PTPRG: variants seen among roughly 807,000 people sequenced by gnomAD.
PTPRG encodes protein tyrosine phosphatase receptor type G, also known as receptor-type tyrosine-protein phosphatase gamma.
In PTPRG, 102 loss-of-function variants were observed where a neutral mutation model predicts 165.3. The observed-to-expected ratio is 0.62, with a 90% CI of 0.53 to 0.73. PTPRG has a LOEUF of 0.73. PTPRG is among the 30% of genes least tolerant of loss of function. The probability of loss-of-function intolerance (pLI) is 0.00; values close to 1 mark genes in which losing one functional copy is unlikely to be tolerated. For missense variants in PTPRG, 1,866 were observed against 1,861.4 expected, an observed-to-expected ratio of 1.00 and a Z score of -0.05; for synonymous variants, 675 against 669.5, an observed-to-expected ratio of 1.01 and a Z score of -0.13.
In PTPRG at chr3:62,203,559, T is replaced by C. The variant is rs1201477016; in HGVS notation, c.1764T>C (p.Ser588=). 6.5e-7 allele frequency: 1 copy of C among 1,548,876 alleles called. No individual in the cohort carries two copies. The highest frequency in any genetic ancestry group is 1.2e-5 in the South Asian group (1 of 83,978). ...EEGEKDEKSE[S]EDGEREHEED... ...GAGAGAAGGATGAGAAAAGCGAGAG[T>C]GAGGATGGGGAGCGGGAGCACGAGG... The change falls in exon 12 of 30, where the codon AGT becomes AGC. Residue 588 remains serine, a synonymous_variant. Coordinates refer to ENST00000474889, the MANE Select transcript of PTPRG (RefSeq NM_002841.4). This position sits in a 1 kb window ranked among gnomAD's most constrained non-coding sequence, Gnocchi z 6.4.
intron 2 of PTPRG, among the ~76,000 whole-genome samples, chr3:61,836,893 C>G (rs543815332): frequency 6.6e-6 from 1 of 150,608 alleles, no homozygotes; most frequent in Non-Finnish European, 1.5e-5. Context: ...TACAGGCACA[C>G]GCCACCAGGC....
Position 62,231,257 on chromosome 3 carries a change from C to G in PTPRG, c.2321C>G (p.Pro774Arg). 1.3e-6 allele frequency: 2 copies of G among 1,591,342 alleles called. No homozygotes were observed. Among genetic ancestry groups the G allele is most frequent in the Non-Finnish European group, 1.7e-6 (2 of 1,168,364 alleles). ...AACAAAATAAAGTCCAAGGGCTTTC[C>G]CAGACGTTTCCGTGAAGTGCCTTCT... ...GCNKIKSKGF[P>R]RRFREVPSSG... The change falls in exon 14 of 30, where the codon CCC (proline) becomes CGC (arginine). Residue 774 changes from proline to arginine, a missense_variant. Pro to Arg is a moderately radical substitution (Grantham distance 103). Transcript: ENST00000474889.
intron 7 of PTPRG, among the ~76,000 whole-genome samples, chr3:62,160,885 T>TTTTTTTTTTTTTTTTTTTG (rs1452272876): frequency 6.9e-6 from 1 of 144,608 alleles, no homozygotes; most frequent in African/African-American, 2.6e-5. Context: ...TTTTTTTTTT[T>TTTTTTTTTTTTTTTTTTTG]TTTCTGACAG....
At chr3:61,695,061 A>G (rs912668006) in intron 1 of PTPRG, among the ~76,000 whole-genome samples, 2 of 149,588 alleles carry the variant, frequency 1.3e-5, no homozygotes. Context: ...TCCAGGCTGG[A>G]GTGCAATGGC....
intron 5 of PTPRG, among the ~76,000 whole-genome samples, chr3:62,089,637 T>C (rs1701864862): frequency 6.6e-6 from 1 of 152,186 alleles, no homozygotes; most frequent in Non-Finnish European, 1.5e-5. Context: ...TAGCATCAAA[T>C]CCCCGTTTGG....
chr3:61,982,095 G>C (rs867261386), intron 2 of PTPRG, among the ~76,000 whole-genome samples: 1 of 152,036 alleles, frequency 6.6e-6, no homozygotes, highest in Non-Finnish European at 1.5e-5. Flanking sequence ...ATTATGTCTC[G>C]ATGGAAAGTC....
At chr3:61,937,356 G>A (rs544409704) in intron 2 of PTPRG, among the ~76,000 whole-genome samples, 2 of 152,232 alleles carry the variant, frequency 1.3e-5, no homozygotes, top group South Asian at 2.1e-4. Flanking sequence ...TTTGAATCCC[G>A]TGGTAGCTTG....
intron 1 of PTPRG, among the ~76,000 whole-genome samples, chr3:61,604,507 T>C (rs4390919): frequency 0.43 from 64,726 of 152,028 alleles, 14,702 homozygotes; most frequent in South Asian, 0.56. Flanking sequence ...CTAAGAACTT[T>C]AGTGGCTTAC....
chr3:62,154,300 A>C (rs1704453774), intron 6 of PTPRG, among the ~76,000 whole-genome samples: 1 of 152,190 alleles, frequency 6.6e-6, no homozygotes, highest in Non-Finnish European at 1.5e-5. Context: ...GGAATGAATA[A>C]GCAGTGAAGC....
chr3:61,714,180 T>G (rs959872393), intron 1 of PTPRG, among the ~76,000 whole-genome samples: 2 of 152,206 alleles, frequency 1.3e-5, no homozygotes, highest in Non-Finnish European at 2.9e-5. Flanking sequence ...AGCCTATCTT[T>G]AGTCTTATGC....
At chr3:61,706,101 CAGGATT>C (rs1420587008) in intron 1 of PTPRG, among the ~76,000 whole-genome samples, 1 of 151,986 alleles carries the variant, frequency 6.6e-6, no homozygotes, top group Non-Finnish European at 1.5e-5. Context: ...GTAATGCAGG[CAGGATT>C]AAATGCTTGC....
intron 1 of PTPRG, among the ~76,000 whole-genome samples, chr3:61,608,342 G>C (rs115179891): frequency 3.2e-4 from 48 of 152,284 alleles, no homozygotes; most frequent in African/African-American, 1.1e-3. Flanking sequence ...GCTATATTTG[G>C]TTCACAGCCA....
chr3:61,853,828 G>T (rs907630028), intron 2 of PTPRG, among the ~76,000 whole-genome samples: 1 of 152,176 alleles, frequency 6.6e-6, no homozygotes, highest in Non-Finnish European at 1.5e-5. Flanking sequence ...GTTCTGGGGT[G>T]AGCTGTTTTC....
chr3:61,712,946 CTT>C (rs2031635200), intron 1 of PTPRG, among the ~76,000 whole-genome samples: 1 of 152,152 alleles, frequency 6.6e-6, no homozygotes. Context: ...AATGAGCTCT[CTT>C]GATGTTCATG....
chr3:62,202,194 A>AT (rs1328622046), intron 11 of PTPRG, among the ~76,000 whole-genome samples: 1 of 152,168 alleles, frequency 6.6e-6, no homozygotes, highest in African/African-American at 2.4e-5. Flanking sequence ...AATTAGACTA[A>AT]TAGCTCAGAG....
chr3:61,717,876 T>C (rs897659961), intron 1 of PTPRG, among the ~76,000 whole-genome samples: 1 of 152,048 alleles, frequency 6.6e-6, no homozygotes, highest in African/African-American at 2.4e-5. Flanking sequence ...CCCAGACATA[T>C]AGCTTTGTAA....
chr3:62,141,270 A>G (rs1011035482), intron 6 of PTPRG, among the ~76,000 whole-genome samples: 3 of 152,136 alleles, frequency 2.0e-5, no homozygotes, highest in African/African-American at 7.2e-5. Flanking sequence ...AAGAGATTCC[A>G]TTTCTATGTC....
At chr3:62,097,490 G>A (rs1702156264) in intron 5 of PTPRG, among the ~76,000 whole-genome samples, 1 of 151,784 alleles carries the variant, frequency 6.6e-6, no homozygotes, top group South Asian at 2.1e-4. Context: ...ACAGGTATAT[G>A]AACGCGATTG....
intron 2 of PTPRG, among the ~76,000 whole-genome samples, chr3:61,892,402 A>G (rs567965711): frequency 8.3e-4 from 127 of 152,260 alleles, no homozygotes; most frequent in African/African-American, 2.9e-3. Flanking sequence ...TTTTGTAGGG[A>G]TAGGGTCTTG....
Sources: gnomAD v4.1 joint callset for allele counts (sites outside exome capture counted in the v4.1 genomes callset) on GRCh38, gnomAD v4.1.1 for gene constraint, Gnocchi (gnomAD v3.1) non-coding constraint, MANE v1.5 for transcripts, NCBI Gene and HGNC (gene_info 2026-07-23, HGNC 2026-07-21) for gene names.